CCDC163: variants seen among roughly 807,000 people sequenced by gnomAD.
CCDC163 encodes CCDC163 homolog.
CCDC163 carries 13 observed loss-of-function variants against 8.2 expected under a neutral mutation model. The observed-to-expected ratio is 1.59, with a 90% CI of 1.04 to 2.54. The LOEUF (loss-of-function observed/expected upper bound fraction) is 2.54. Among genes scored for constraint, CCDC163 ranks in the 30% most tolerant of loss-of-function variants. The pLI is 0.00. For missense variants in CCDC163, 117 were observed against 78.6 expected, an observed-to-expected ratio of 1.49 and a Z score of -1.85; for synonymous variants, 41 against 30.9, an observed-to-expected ratio of 1.33 and a Z score of -1.08.
At chr1:45,497,904 G>A (rs1435111200) in intron 2 of CCDC163, among the ~76,000 whole-genome samples, 1 of 147,056 alleles carries the variant, frequency 6.8e-6, no homozygotes, top group East Asian at 2.1e-4. Context: ...TTGAGAACGG[G>A]CCAGGATGAC....
At chr1:45,496,406 C>T (rs1447710415) in intron 4 of CCDC163, 150 bp downstream of exon 4, 1 of 700,076 alleles carries the variant, frequency 1.4e-6, no homozygotes, top group African/African-American at 1.7e-5. Flanking sequence ...AAGAAGAGCT[C>T]TGGAGAGAGA....
intron 4 of CCDC163, 50 bp from the exon 5 acceptor site, chr1:45,495,216 G>A (rs763409867): frequency 2.6e-6 from 2 of 780,074 alleles, no homozygotes; most frequent in African/African-American, 3.4e-5. Context: ...CAAGCATTGT[G>A]ATATGCATAG....
In CCDC163 at chr1:45,494,739, T is replaced by C. The variant is rs139325309; in HGVS notation, c.*320A>G. ...TGGGAGGGCGAGGCGGGCAGATCAC[T>C]TGAGGTCAGAAGTTCAAGACCAGAC... On this transcript the variant is annotated 3_prime_UTR_variant, in exon 5 of 5. Transcript: ENST00000629482. The C allele has an allele frequency of 7.5e-4, 234 of 311,456 alleles. 2 individuals are homozygous for C. The East Asian group carries it at 0.012, about 16-fold the overall frequency. The allele number at this position is 311,456 out of a possible 1,614,324, so 19.3% of individuals were successfully genotyped here.
At chr1:45,495,407 C>T (rs145437865) in intron 4 of CCDC163, 2 of 702,842 alleles carry the variant, frequency 2.8e-6, no homozygotes, top group East Asian at 5.4e-5. Context: ...AATCCTTGTC[C>T]TTATCCTTAC....
At chr1:45,499,498 C>G (rs778052667) in intron 1 of CCDC163, 34 bp downstream of exon 1, 5 of 777,536 alleles carry the variant, frequency 6.4e-6, no homozygotes, top group South Asian at 5.4e-5. Context: ...CTTAGCCTCC[C>G]CACGCAAACT....
chr1:45,495,611 A>G, intron 4 of CCDC163: 1 of 675,192 alleles, frequency 1.5e-6, no homozygotes, highest in South Asian at 1.5e-5. Flanking sequence ...CTTCCAACAC[A>G]GAACTGTCCT....
At chr1:45,497,878 T>C (rs1199984796) in intron 2 of CCDC163, among the ~76,000 whole-genome samples, 6 of 142,882 alleles carry the variant, frequency 4.2e-5, no homozygotes, top group Non-Finnish European at 3.1e-5. Flanking sequence ...GTCTGGGAGG[T>C]GTGCCCAACA....
rs376867379 is a variant in CCDC163, at chr1:45,496,571, C to G, written c.315G>C (p.Gln105His). 5.1e-6 allele frequency: 4 copies of G among 780,526 alleles called. No individual in the cohort carries two copies. The highest frequency in any genetic ancestry group is 9.6e-6 in the Non-Finnish European group (4 of 417,938). 48.4% of individuals were successfully genotyped at this position (780,526 alleles called of 1,614,324 possible). ...LKQLAEGRQA[Q>H]VGSWKIPRGA... Reference sequence around the variant, plus strand: ...CTAGTCCTACCTTCCAACTGCCAACCTGAGCCTGTCGTCCCTCAGCCAGCT... The same window carrying G: ...CTAGTCCTACCTTCCAACTGCCAACGTGAGCCTGTCGTCCCTCAGCCAGCT... Residue 105 changes from glutamine to histidine, a missense_variant, in exon 4 of 5, where the codon CAG (glutamine) becomes CAC (histidine). Physicochemically the swap from Gln to His is conservative, Grantham distance 24. Coordinates refer to ENST00000629482, the MANE Select transcript of CCDC163 (RefSeq NM_001102601.3).
intron 4 of CCDC163, 193 bp from the exon 5 acceptor site, chr1:45,495,359 T>C: frequency 1.4e-6 from 1 of 702,844 alleles, no homozygotes. Context: ...GCAGCTGGCA[T>C]TCAGGCACCA....
At position 45,495,019 on chromosome 1, in the gene CCDC163, G is replaced by C. The variant is rs747048480; in HGVS notation, c.*40C>G. 1.3e-6 allele frequency: 1 copy of C among 780,482 alleles called. No individual in the cohort carries two copies. The highest frequency in any genetic ancestry group is 1.3e-5 in the South Asian group (1 of 74,602). The allele number at this position is 780,482 out of a possible 1,614,324, so 48.3% of individuals were successfully genotyped here. A position where few individuals can be genotyped will look rare whatever the true frequency, so the allele number is the denominator to read the frequency against. Reference sequence around the variant, plus strand: ...CTTGGAGGGGAGGGTGGGCAAAGAAGCCTTCATCCTACTATTCTTAACGAG... The same window carrying C: ...CTTGGAGGGGAGGGTGGGCAAAGAACCCTTCATCCTACTATTCTTAACGAG... On this transcript the variant is annotated 3_prime_UTR_variant, in exon 5 of 5. Coordinates refer to ENST00000629482, the MANE Select transcript of CCDC163 (RefSeq NM_001102601.3).
At chr1:45,497,660 A>C (rs186097550) in intron 2 of CCDC163, among the ~76,000 whole-genome samples, 2 of 80,858 alleles carry the variant, frequency 2.5e-5, no homozygotes, top group Admixed American at 1.6e-4. Flanking sequence ...CCGTCTGGGA[A>C]GTGAGGAGCG....
chr1:45,499,249 CAG>C (rs1643464109), intron 2 of CCDC163, 94 bp downstream of exon 2: 1 of 714,170 alleles, frequency 1.4e-6, no homozygotes. Context: ...CAGGAAAGGA[CAG>C]AGTTGGAATT....
chr1:45,497,722 CCCG>C (rs2149317520), intron 2 of CCDC163, among the ~76,000 whole-genome samples: 1 of 36,670 alleles, frequency 2.7e-5, no homozygotes, highest in African/African-American at 1.2e-4. Flanking sequence ...GGGTCAGCCC[CCCG>C]CCAGGCCAGC....
In CCDC163 at chr1:45,500,053, G is replaced by A. The variant is rs1168296312; in HGVS notation, c.-444C>T. 3.5e-5 allele frequency: 19 copies of A among 542,138 alleles called. No homozygotes were observed. In the South Asian group the frequency reaches 3.7e-4, roughly 11 times the overall value. 33.6% of individuals were successfully genotyped at this position (542,138 alleles called of 1,614,324 possible). ...GAGGTCGCCTCTTGCGAACACAACC[G>A]GCGATGGAGGCGGTGGAACTACCTT... On this transcript the variant is annotated 5_prime_UTR_variant, in exon 1 of 5. Transcript: ENST00000629482.
In CCDC163 at chr1:45,499,335, C is replaced by T. The variant is rs1174271306; in HGVS notation, c.177+10G>A. ...GAAAGGGCTTGGAAGTAGAAAGAGA[C>T]ATTACTTACCTGCGGTGGAGACCCC... On this transcript the variant is annotated intron_variant, in intron 2 of 4. Coordinates refer to ENST00000629482, the MANE Select transcript of CCDC163 (RefSeq NM_001102601.3). 1.6e-5 allele frequency: 12 copies of T among 770,240 alleles called. No homozygotes were observed. In the Admixed American group the frequency reaches 1.7e-4, roughly 11 times the overall value. The allele number at this position is 770,240 out of a possible 1,614,324, so 47.7% of individuals were successfully genotyped here.
intron 2 of CCDC163, among the ~76,000 whole-genome samples, chr1:45,497,707 G>C (rs1557600437): frequency 2.7e-4 from 4 of 14,878 alleles, no homozygotes; most frequent in South Asian, 2.2e-3. Flanking sequence ...GGAGGGAGGT[G>C]GAGGGGGTCA....
chr1:45,499,832 G>A lies in CCDC163; in HGVS notation c.-223C>T. Reference sequence around the variant, plus strand: ...TCTTGGGGAACTGGGGGAAAAGCGGGATACCGTGATGATACGCAGATATCA... The same window carrying A: ...TCTTGGGGAACTGGGGGAAAAGCGGAATACCGTGATGATACGCAGATATCA... On this transcript the variant is annotated 5_prime_UTR_variant, in exon 1 of 5. Transcript: ENST00000629482. 5.2e-6 allele frequency: 3 copies of A among 577,600 alleles called. No individual in the cohort carries two copies. The South Asian group carries it at 6.0e-5, about 12-fold the overall frequency. The allele number at this position is 577,600 out of a possible 1,614,324, so 35.8% of individuals were successfully genotyped here. A position where few individuals can be genotyped will look rare whatever the true frequency, so the allele number is the denominator to read the frequency against.
At position 45,499,532 on chromosome 1, in the gene CCDC163, C is replaced by T. The variant is rs771987719; in HGVS notation, c.78G>A (p.Lys26=). The T allele has an allele frequency of 2.6e-6, 2 of 779,110 alleles. No individual in the cohort carries two copies. The highest frequency in any genetic ancestry group is 1.7e-5 in the Admixed American group (1 of 58,726). The allele number at this position is 779,110 out of a possible 1,614,324, so 48.3% of individuals were successfully genotyped here. The change falls in exon 1 of 5, where the codon AAG becomes AAA. Residue 26 remains lysine, a splice_region_variant and synonymous_variant. Coordinates refer to ENST00000629482, the MANE Select transcript of CCDC163 (RefSeq NM_001102601.3). The part of the protein sequence containing the change: ...NATDGNVVRN[K]QWLYPLGVST... The stretch of plus-strand genomic sequence containing the variant: ...CTGGGGACCTCCACCAACCCCTCAC[C>T]TTATTCCGGACCACATTTCCATCAG...
Position 45,495,072 on chromosome 1 carries a change from G to C in CCDC163, c.425C>G (p.Pro142Arg), listed in dbSNP as rs1653964593. Residue 142 changes from proline (P) to arginine (R), a missense_variant, in exon 5 of 5, where the codon CCA becomes CGA. Pro to Arg is a moderately radical substitution (Grantham distance 103). Coordinates refer to ENST00000629482, the MANE Select transcript of CCDC163 (RefSeq NM_001102601.3). ...LSKRTYSFGA[P>R]KCS Reference sequence around the variant, plus strand: ...CTTACAGGTCATTCAGGAGCATTTTGGGGCCCCAAAGGAATAGGTCCTCTT... The same window carrying C: ...CTTACAGGTCATTCAGGAGCATTTTCGGGCCCCAAAGGAATAGGTCCTCTT... 1 of 780,708 alleles carries C rather than the reference G, an allele frequency of 1.3e-6. No individual in the cohort carries two copies. The highest frequency in any genetic ancestry group is 2.4e-6 in the Non-Finnish European group (1 of 417,974). 48.4% of individuals were successfully genotyped at this position (780,708 alleles called of 1,614,324 possible). A position where few individuals can be genotyped will look rare whatever the true frequency, so the allele number is the denominator to read the frequency against.
Sources: allele counts gnomAD v4.1 joint callset (sites outside exome capture counted in the v4.1 genomes callset), GRCh38; gene constraint gnomAD v4.1.1; transcripts MANE v1.5; gene names NCBI Gene and HGNC (gene_info 2026-07-23, HGNC 2026-07-21).